MACROH2A1: variants seen among roughly 807,000 people sequenced by gnomAD.
The protein encoded by MACROH2A1 is core histone macro-H2A.1.
A neutral mutation model predicts 31.6 loss-of-function variants in MACROH2A1; 2 were observed. The observed-to-expected ratio is 0.06, with a 90% CI of 0.03 to 0.20. The LOEUF is 0.20. MACROH2A1 is among the 10% of genes least tolerant of loss of function. The pLI is 1.00. For synonymous variants in MACROH2A1, 169 were observed against 189.6 expected (o/e 0.89, Z 0.89); for missense variants, 230 against 474.0 (o/e 0.49, Z 4.78).
intron 8 of MACROH2A1, chr5:135,337,782 C>T: frequency 5.1e-6 from 1 of 194,196 alleles, no homozygotes; most frequent in African/African-American, 2.4e-5. Flanking sequence ...AGTGCCCACA[C>T]CTGCCTACCG....
chr5:135,361,041 C>T, intron 4 of MACROH2A1: 1 of 307,808 alleles, frequency 3.2e-6, no homozygotes, highest in Non-Finnish European at 6.3e-6. Flanking sequence ...AACCCTCTAA[C>T]CTTCCTGACT....
intron 4 of MACROH2A1, among the ~76,000 whole-genome samples, chr5:135,364,485 A>G (rs2149818959): frequency 6.6e-6 from 1 of 152,366 alleles, no homozygotes; most frequent in African/African-American, 2.4e-5. Flanking sequence ...TTATTTTCAT[A>G]TCTCAGTTTG....
At chr5:135,350,190 G>A (rs561946754) in intron 6 of MACROH2A1, among the ~76,000 whole-genome samples, 36 of 152,312 alleles carry the variant, frequency 2.4e-4, no homozygotes, top group Admixed American at 2.2e-3. Context: ...GCTGCCAAGG[G>A]AAAGGAAGGT....
chr5:135,334,949 G>A lies in MACROH2A1; in HGVS notation c.*27C>T, dbSNP rs1390917105. 6.2e-7 allele frequency: 1 copy of A among 1,600,900 alleles called. No individual in the cohort carries two copies. ...TTTTAAACTGAAGGTGGGGTACATG[G>A]TGCAGCTGGTTCTGTCATTGCTCAG... On this transcript the variant is annotated 3_prime_UTR_variant, in exon 9 of 9. Coordinates refer to ENST00000511689, the MANE Select transcript of MACROH2A1 (RefSeq NM_138610.3).
chr5:135,369,417 G>C lies in MACROH2A1; in HGVS notation c.466C>G (p.Arg156Gly). The change falls in exon 4 of 9, where the codon CGG becomes GGG. Residue 156 changes from arginine to glycine, a missense_variant. By Grantham distance (125) the Arg-to-Gly change is moderately radical. Transcript: ENST00000511689. This position sits in a 1 kb window ranked among gnomAD's most constrained non-coding sequence, Gnocchi z 4.3. The part of the protein sequence containing the change: ...SKKAGGKKGA[R>G]KSKKKQGEVS... The stretch of plus-strand genomic sequence containing the variant: ...GCCAAATCACATACCTTGGATTTCC[G>C]GGCCCCTTTCTTGCCTCCTGCTTTT... 6.2e-7 allele frequency: 1 copy of C among 1,613,802 alleles called. No homozygotes were observed. The highest frequency in any genetic ancestry group is 8.5e-7 in the Non-Finnish European group (1 of 1,179,754).
intron 2 of MACROH2A1, among the ~76,000 whole-genome samples, chr5:135,375,581 C>T (rs1764754452): frequency 6.6e-6 from 1 of 152,234 alleles, no homozygotes; most frequent in Non-Finnish European, 1.5e-5. Flanking sequence ...TAACAGCTAA[C>T]AGGTGATGTG....
At chr5:135,375,545 A>C (rs1474655629) in intron 2 of MACROH2A1, among the ~76,000 whole-genome samples, 1 of 152,228 alleles carries the variant, frequency 6.6e-6, no homozygotes. Context: ...AGCAAGATGA[A>C]GTCATGGTTT....
At chr5:135,338,004 A>G in intron 8 of MACROH2A1, 1 of 1,191,902 alleles carries the variant, frequency 8.4e-7, no homozygotes, top group Admixed American at 3.1e-5. Context: ...GCCAGGAAGG[A>G]ATGGCGGAGG....
At chr5:135,338,014 G>C in intron 8 of MACROH2A1, 3 of 1,175,414 alleles carry the variant, frequency 2.6e-6, no homozygotes, top group Non-Finnish European at 3.2e-6. Flanking sequence ...AATGGCGGAG[G>C]TAACGGCTTT....
At chr5:135,382,623 A>G (rs1411682791) in intron 2 of MACROH2A1, among the ~76,000 whole-genome samples, 2 of 152,248 alleles carry the variant, frequency 1.3e-5, no homozygotes, top group Non-Finnish European at 2.9e-5. Context: ...GGTACAATCT[A>G]TACCATAAAT....
intron 8 of MACROH2A1, among the ~76,000 whole-genome samples, chr5:135,340,796 C>A (rs1001939013): frequency 6.6e-6 from 1 of 152,304 alleles, no homozygotes; most frequent in East Asian, 1.9e-4. Context: ...ATTTACTGGC[C>A]GGCTCTGGTG....
intron 8 of MACROH2A1, 109 bp downstream of exon 8, chr5:135,343,151 T>G (rs2149732426): frequency 6.3e-7 from 1 of 1,592,478 alleles, no homozygotes; most frequent in African/African-American, 1.3e-5. Context: ...TCTCCTTGGT[T>G]AAGGCAGCCT....
At chr5:135,344,029 ACGGATCCTGTTTAT>A (rs1202558548) in intron 7 of MACROH2A1, 1 of 154,180 alleles carries the variant, frequency 6.5e-6, no homozygotes, top group African/African-American at 2.4e-5. Flanking sequence ...TGTGTGAATA[ACGGATCCTGTTTAT>A]TTGTGGCAGA....
Position 135,335,028 on chromosome 5 carries a change from C to T in MACROH2A1, c.1067G>A (p.Ser356Asn). 1 of 1,614,046 alleles carries T rather than the reference C, an allele frequency of 6.2e-7. No homozygotes were observed. Residue 356 changes from serine to asparagine, a missense_variant, in exon 9 of 9, where the codon AGC becomes AAC. Ser to Asn is a conservative substitution (Grantham distance 46, BLOSUM62 1). Around this residue, in one of 2 missense-constraint regions of MACROH2A1, gnomAD observed 183 missense variants for 319.3 expected, o/e 0.57. Transcript: ENST00000511689. The part of the protein sequence containing the change: ...IKTVYFVLFD[S>N]ESIGIYVQEM... ...CTGCACATAGATGCCTATACTCTCGCTGTCAAAAAGCACGAAGTACACCGT... is the reference window on the plus strand; with the variant it reads ...CTGCACATAGATGCCTATACTCTCGTTGTCAAAAAGCACGAAGTACACCGT...
At chr5:135,382,627 CATAA>C (rs1183423908) in intron 2 of MACROH2A1, among the ~76,000 whole-genome samples, 1 of 152,150 alleles carries the variant, frequency 6.6e-6, no homozygotes, top group African/African-American at 2.4e-5. Flanking sequence ...CAATCTATAC[CATAA>C]ATAATTACTA....
At chr5:135,337,737 G>C (rs1746529210) in intron 8 of MACROH2A1, among the ~76,000 whole-genome samples, 1 of 152,206 alleles carries the variant, frequency 6.6e-6, no homozygotes, top group African/African-American at 2.4e-5. Context: ...CTGCAAGTGG[G>C]GGAGAGAGGT....
chr5:135,339,090 A>T (rs1759323711), intron 8 of MACROH2A1, among the ~76,000 whole-genome samples: 1 of 152,144 alleles, frequency 6.6e-6, no homozygotes, highest in Admixed American at 6.5e-5. Context: ...ATGTTCCTTA[A>T]GTTCCTCTGG....
chr5:135,369,737 G>T lies in MACROH2A1; in HGVS notation c.280-134C>A. On this transcript the variant is annotated intron_variant, in intron 3 of 8. Transcript: ENST00000511689. The surrounding 1 kb of genome is among the most constrained non-coding windows in gnomAD (Gnocchi z 4.3). ...CCTCCATGGCATCCTCCATGAGGAT[G>T]CTGCCAGGACTCAAGCTCACTGCTC... 1 of 683,070 alleles carries T rather than the reference G, an allele frequency of 1.5e-6. No individual in the cohort carries two copies. The highest frequency in any genetic ancestry group is 2.5e-6 in the Non-Finnish European group (1 of 396,750). The allele number at this position is 683,070 out of a possible 1,614,324, so 42.3% of individuals were successfully genotyped here.
chr5:135,372,596 T>C (rs1175792253), intron 2 of MACROH2A1, among the ~76,000 whole-genome samples: 2 of 152,368 alleles, frequency 1.3e-5, no homozygotes, highest in East Asian at 3.9e-4. Flanking sequence ...GTACTGTGAA[T>C]GCAGAAGCGC....
Sources: gnomAD v4.1 joint callset for allele counts (sites outside exome capture counted in the v4.1 genomes callset) on GRCh38, gnomAD v4.1.1 for gene constraint, gnomAD v4.1.1 regional missense constraint, Gnocchi (gnomAD v3.1) non-coding constraint, MANE v1.5 for transcripts, NCBI Gene and HGNC (gene_info 2026-07-23, HGNC 2026-07-21) for gene names.